Variants in NTF3 observed in about 807,000 individuals in gnomAD.
NTF3 encodes the protein neurotrophin-3.
NTF3 carries 8 observed loss-of-function variants against 26.3 expected under a neutral mutation model. The ratio of observed to expected loss-of-function variants is 0.30; its 90% CI spans 0.18 to 0.55. NTF3 has a LOEUF of 0.55. Among genes scored for constraint, NTF3 ranks in the 20% least tolerant of loss-of-function variants. The pLI, the probability that NTF3 is intolerant of heterozygous loss-of-function variation, is 0.93. For synonymous variants in NTF3, 154 were observed against 145.5 expected (o/e 1.06, Z -0.42); for missense variants, 276 against 352.9 (o/e 0.78, Z 1.75).
At chr12:5,443,485 CATG>C (rs1477446997) in intron 1 of NTF3, among the ~76,000 whole-genome samples, 3 of 152,148 alleles carry the variant, frequency 2.0e-5, no homozygotes, top group Non-Finnish European at 4.4e-5. Context: ...GGAAATGTTC[CATG>C]CAACCTCTGC....
Position 5,466,137 on chromosome 12 carries a change from GCA to G in NTF3, c.19-28054_19-28053del, listed in dbSNP as rs1393468667. Among the ~76,000 whole-genome samples, 5 of 152,170 alleles carry G rather than the reference GCA, an allele frequency of 3.3e-5. No individual in the cohort carries two copies. In the South Asian group the frequency reaches 8.3e-4, roughly 25 times the overall value. The stretch of plus-strand genomic sequence containing the variant: ...ACGTGTGGGCGTCATGCAGCCCTTG[GCA>G]CAGTCTTCAGGCTGAGCTGCCTCCA... On this transcript the variant is annotated intron_variant, in intron 1 of 1. Transcript: ENST00000423158.
intron 1 of NTF3, among the ~76,000 whole-genome samples, chr12:5,475,906 AAGAAAGAAAGAG>A (rs1940717764): frequency 7.2e-6 from 1 of 139,708 alleles, no homozygotes; most frequent in African/African-American, 2.5e-5. Context: ...AAGAGAAAGA[AAGAAAGAAAGAG>A]AGAAAGAGAG....
chr12:5,480,278 C>T (rs1208763024), intron 1 of NTF3, among the ~76,000 whole-genome samples: 6 of 152,090 alleles, frequency 3.9e-5, no homozygotes, highest in East Asian at 1.9e-4. Context: ...GCATTCGCAA[C>T]GGGAACATTG....
At position 5,485,504 on chromosome 12, in the gene NTF3, A is replaced by G. The variant is rs1940856406; in HGVS notation, c.19-8690A>G. On this transcript the variant is annotated intron_variant, in intron 1 of 1. Transcript: ENST00000423158. ...CAGTTTCCTTGGCTGAAAAGTGGGG[A>G]TAATAATCGTATCCACAAAGATTAA... Among the ~76,000 whole-genome samples, 4 of 152,166 alleles carry G rather than the reference A, an allele frequency of 2.6e-5. No individual in the cohort carries two copies. In the South Asian group the frequency reaches 8.3e-4, roughly 32 times the overall value.
intron 1 of NTF3, among the ~76,000 whole-genome samples, chr12:5,437,484 C>T (rs1335924687): frequency 2.6e-5 from 4 of 152,148 alleles, no homozygotes; most frequent in East Asian, 3.8e-4. Flanking sequence ...ACGGAGCAGG[C>T]GGCTTCTGCT....
At position 5,494,558 on chromosome 12, in the gene NTF3, C is replaced by G; in HGVS notation, c.383C>G (p.Pro128Arg). Residue 128 changes from proline to arginine, a missense_variant, in exon 2 of 2, where the codon CCG (proline) becomes CGG (arginine). Pro to Arg is a moderately radical substitution (Grantham distance 103). Transcript: ENST00000423158. The surrounding 1 kb of genome is among the most constrained non-coding windows in gnomAD (Gnocchi z 8.3). ...LLSDSTPLEP[P>R]PLYLMEDYVG... The stretch of plus-strand genomic sequence containing the variant: ...AGCGACAGCACCCCCTTGGAGCCCC[C>G]GCCCTTGTATCTCATGGAGGATTAC... The G allele has an allele frequency of 1.9e-6, 3 of 1,614,098 alleles. No homozygotes were observed. Among genetic ancestry groups the G allele is most frequent in the Non-Finnish European group, 2.5e-6 (3 of 1,180,032 alleles).
intron 1 of NTF3, among the ~76,000 whole-genome samples, chr12:5,490,899 C>T (rs918433905): frequency 2.0e-5 from 3 of 152,192 alleles, no homozygotes; most frequent in Admixed American, 2.0e-4. Flanking sequence ...CTGGGTCCCT[C>T]GCCCGTGTGC....
chr12:5,434,672 G>A (rs981931757), intron 1 of NTF3, among the ~76,000 whole-genome samples: 1 of 152,164 alleles, frequency 6.6e-6, no homozygotes, highest in African/African-American at 2.4e-5. Context: ...AAGGGTGTCA[G>A]AGCAGGAGGA....
At chr12:5,481,349 C>T (rs886121185) in intron 1 of NTF3, among the ~76,000 whole-genome samples, 3 of 151,712 alleles carry the variant, frequency 2.0e-5, no homozygotes, top group Admixed American at 6.6e-5. Flanking sequence ...CAGCACACCA[C>T]GCACACATGT....
Position 5,437,300 on chromosome 12 carries a change from C to T in NTF3, c.18+4958C>T, listed in dbSNP as rs11063675. On this transcript the variant is annotated intron_variant, in intron 1 of 1. Transcript: ENST00000423158. ...AAACTAATTCTGTTGCTTTTCTTGG[C>T]GAGATTGGGCCAATTAAGTTGATTG... 9.5e-3 allele frequency among the ~76,000 whole-genome samples: 1,448 copies of T among 152,272 alleles called. 21 individuals carry two copies. Among genetic ancestry groups the T allele is most frequent in the South Asian group, 0.038 (185 of 4,824 alleles).
rs1400472886 is a variant in NTF3, at chr12:5,433,230, G to C, written c.18+888G>C. ...CGGGGAGCGGCGGGCACCCGGGCCC[G>C]GCCATCCCAGGGGATCTCCTTGCGG... On this transcript the variant is annotated intron_variant, in intron 1 of 1. Coordinates refer to ENST00000423158, the MANE Select transcript of NTF3 (RefSeq NM_001102654.2). This position sits in a 1 kb window ranked among gnomAD's most constrained non-coding sequence, Gnocchi z 4.6. 5.9e-5 allele frequency: 9 copies of C among 152,172 alleles called. No homozygotes were observed. The highest frequency in any genetic ancestry group is 4.4e-5 in the Non-Finnish European group (3 of 68,058). The allele number at this position is 152,172 out of a possible 1,614,324, so 9.4% of individuals were successfully genotyped here.
intron 1 of NTF3, among the ~76,000 whole-genome samples, chr12:5,484,867 C>T (rs1014533751): frequency 2.0e-5 from 3 of 152,120 alleles, no homozygotes; most frequent in Non-Finnish European, 4.4e-5. Flanking sequence ...GTGATTCTCC[C>T]GTGGCCACAA....
At chr12:5,486,461 A>G (rs1441645482) in intron 1 of NTF3, among the ~76,000 whole-genome samples, 1 of 152,224 alleles carries the variant, frequency 6.6e-6, no homozygotes, top group Non-Finnish European at 1.5e-5. Context: ...CATCATTATC[A>G]TCATTATTAT....
rs113601239 is a variant in NTF3, at chr12:5,494,207, A to G, written c.32A>G (p.Asn11Ser). The change falls in exon 2 of 2, where the codon AAC (asparagine) becomes AGC (serine). Residue 11 changes from asparagine to serine, a missense_variant. Asn to Ser is a conservative substitution (Grantham distance 46). This residue lies in a region of NTF3 where 221 missense variants were observed against 258.2 expected (regional missense o/e 0.86). Coordinates refer to ENST00000423158, the MANE Select transcript of NTF3 (RefSeq NM_001102654.2). The surrounding 1 kb of genome is among the most constrained non-coding windows in gnomAD (Gnocchi z 8.3). ...TTTCCTTTTCAGATCTTACAGGTGA[A>G]CAAGGTGATGTCCATCTTGTTTTAT... Reference protein sequence around the residue: MVTFATILQVNKVMSILFYVI... With the variant: MVTFATILQVSKVMSILFYVI... 6.2e-7 allele frequency: 1 copy of G among 1,613,398 alleles called. No homozygotes were observed. Among genetic ancestry groups the G allele is most frequent in the Non-Finnish European group, 8.5e-7 (1 of 1,179,914 alleles).
Position 5,489,399 on chromosome 12 carries a change from C to T in NTF3, c.19-4795C>T, listed in dbSNP as rs992659368. Among the ~76,000 whole-genome samples, 3 of 152,274 alleles carry T rather than the reference C, an allele frequency of 2.0e-5. 1 individual carries two copies. In the East Asian group the frequency reaches 5.8e-4, roughly 29 times the overall value. The stretch of plus-strand genomic sequence containing the variant: ...GAGCAAGGACAGACGGAGAGGCAGC[C>T]GAGTGTCATCATTAATAACATGAGC... On this transcript the variant is annotated intron_variant, in intron 1 of 1. Coordinates refer to ENST00000423158, the MANE Select transcript of NTF3 (RefSeq NM_001102654.2).
At chr12:5,460,349 C>T (rs1017240576) in intron 1 of NTF3, among the ~76,000 whole-genome samples, 19 of 152,196 alleles carry the variant, frequency 1.2e-4, no homozygotes, top group African/African-American at 4.3e-4. Context: ...GCCCATCCCT[C>T]CTCCCTCCTC....
chr12:5,446,079 G>A (rs1940301841), intron 1 of NTF3, among the ~76,000 whole-genome samples: 1 of 152,128 alleles, frequency 6.6e-6, no homozygotes, highest in African/African-American at 2.4e-5. Context: ...ATTTATATGT[G>A]TCATCGTAGT....
chr12:5,472,718 G>C lies in NTF3; in HGVS notation c.19-21476G>C, dbSNP rs182673452. ...TCTCATTTGCAACTGTCTTCTCCCC[G>C]CTGGGCTCAGTGTTCCTGGGAGGGT... On this transcript the variant is annotated intron_variant, in intron 1 of 1. Coordinates refer to ENST00000423158, the MANE Select transcript of NTF3 (RefSeq NM_001102654.2). Among the ~76,000 whole-genome samples, 3 of 152,134 alleles carry C rather than the reference G, an allele frequency of 2.0e-5. No individual in the cohort carries two copies. In the East Asian group the frequency reaches 5.8e-4, roughly 29 times the overall value.
intron 1 of NTF3, among the ~76,000 whole-genome samples, chr12:5,460,634 A>C (rs144183163): frequency 9.3e-4 from 142 of 152,306 alleles, no homozygotes; most frequent in Admixed American, 2.0e-3. Context: ...CATTTAATGA[A>C]CATTCCCTTT....
Sources: gnomAD v4.1 joint callset for allele counts (sites outside exome capture counted in the v4.1 genomes callset) on GRCh38, gnomAD v4.1.1 for gene constraint, gnomAD v4.1.1 regional missense constraint, Gnocchi (gnomAD v3.1) non-coding constraint, MANE v1.5 for transcripts, NCBI Gene and HGNC (gene_info 2026-07-23, HGNC 2026-07-21) for gene names.